STK11: variants seen among roughly 807,000 people sequenced by gnomAD.
The protein encoded by STK11 is serine/threonine-protein kinase STK11.
STK11 carries 8 observed loss-of-function variants against 47.3 expected under a neutral mutation model. The observed-to-expected ratio is 0.17, with a 90% CI of 0.10 to 0.31. STK11 has a LOEUF of 0.31. Ranked by LOEUF, STK11 falls within the 10% of genes least tolerant of loss-of-function variation. STK11 has a pLI of 1.00. For synonymous variants in STK11, 330 were observed against 255.8 expected, an observed-to-expected ratio of 1.29 and a Z score of -2.77; for missense variants, 475 against 605.0, an observed-to-expected ratio of 0.79 and a Z score of 2.25.
intron 6 of STK11, 22 bp downstream of exon 6, chr19:1,221,362 C>A (rs769104111): frequency 1.3e-6 from 2 of 1,592,992 alleles, no homozygotes; most frequent in African/African-American, 2.7e-5. Context: ...ATCCCTCTGC[C>A]CGCAGCCCCA....
chr19:1,227,983 G>A lies in STK11; in HGVS notation c.*407G>A, dbSNP rs1408925308. On this transcript the variant is annotated 3_prime_UTR_variant, in exon 10 of 10. Transcript: ENST00000326873. ...GTGTGGAGACCAGGCTCCTGACCCC[G>A]CCATGCATGCAGCGCCACCTGGAAG... The A allele has an allele frequency of 3.7e-6, 4 of 1,068,628 alleles. No homozygotes were observed. Among genetic ancestry groups the A allele is most frequent in the South Asian group, 4.5e-5 (1 of 22,016 alleles). The allele number at this position is 1,068,628 out of a possible 1,614,324, so 66.2% of individuals were successfully genotyped here.
intron 1 of STK11, among the ~76,000 whole-genome samples, chr19:1,218,101 G>A (rs999752637): frequency 6.6e-6 from 1 of 151,938 alleles, no homozygotes; most frequent in African/African-American, 2.4e-5. Context: ...CTGAGATCGG[G>A]CCACCGTGCT....
At chr19:1,220,764 G>A (rs2145425766) in intron 5 of STK11, 47 bp downstream of exon 5, 1 of 1,559,946 alleles carries the variant, frequency 6.4e-7, no homozygotes, top group South Asian at 1.2e-5. Context: ...ACACTCCGAG[G>A]GGCCTCTGCG....
chr19:1,225,090 T>C (rs1035886733), intron 8 of STK11: 1 of 986,066 alleles, frequency 1.0e-6, no homozygotes, highest in African/African-American at 1.7e-5. Context: ...GGGAAGGGGC[T>C]TGGGCTAGAT....
At position 1,219,351 on chromosome 19, in the gene STK11, T is replaced by G. The variant is rs778868074; in HGVS notation, c.402T>G (p.Cys134Trp). ...KMYMVMEYCV[C>W]GMQEMLDSVP... ...ATATGGTGATGGAGTACTGCGTGTG[T>G]GGCATGCAGGAAATGCTGGACAGCG... Residue 134 changes from cysteine to tryptophan, a missense_variant, in exon 3 of 10, where the codon TGT becomes TGG. By Grantham distance (215) the Cys-to-Trp change is radical. Coordinates refer to ENST00000326873, the MANE Select transcript of STK11 (RefSeq NM_000455.5). 1.9e-6 allele frequency: 3 copies of G among 1,585,148 alleles called. No individual in the cohort carries two copies. The African/African-American group carries it at 4.0e-5, about 21-fold the overall frequency.
At position 1,206,405 on chromosome 19, in the gene STK11, C is replaced by A. The variant is rs1416139155; in HGVS notation, c.-509C>A. ...GACCGGGGCGTCGCCGGAGACGCCC[C>A]CAGCGAAGTTGGGCTCTCCAGGTGT... On this transcript the variant is annotated 5_prime_UTR_variant, in exon 1 of 10. Coordinates refer to ENST00000326873, the MANE Select transcript of STK11 (RefSeq NM_000455.5). 3 of 233,656 alleles carry A rather than the reference C, an allele frequency of 1.3e-5. No homozygotes were observed. The highest frequency in any genetic ancestry group is 2.5e-5 in the Non-Finnish European group (3 of 118,490). The allele number at this position is 233,656 out of a possible 1,614,324, so 14.5% of individuals were successfully genotyped here. A position where few individuals can be genotyped will look rare whatever the true frequency, so the allele number is the denominator to read the frequency against.
chr19:1,212,766 G>C (rs866263505), intron 1 of STK11, among the ~76,000 whole-genome samples: 173 of 151,830 alleles, frequency 1.1e-3, no homozygotes, highest in African/African-American at 3.6e-3. Context: ...GTATGGTCTC[G>C]ATCTCCTGAC....
At chr19:1,214,312 G>A (rs957489902) in intron 1 of STK11, among the ~76,000 whole-genome samples, 1 of 152,230 alleles carries the variant, frequency 6.6e-6, no homozygotes, top group Non-Finnish European at 1.5e-5. Context: ...GGGGACGCAC[G>A]TGCCTGCGCA....
At chr19:1,219,521 G>T in intron 3 of STK11, 108 bp downstream of exon 3, 1 of 1,245,862 alleles carries the variant, frequency 8.0e-7, no homozygotes, top group Non-Finnish European at 1.1e-6. Context: ...TTGACATGAA[G>T]GCCCAAGTTT....
intron 1 of STK11, among the ~76,000 whole-genome samples, chr19:1,214,718 C>T (rs1045043144): frequency 6.6e-6 from 1 of 152,210 alleles, no homozygotes; most frequent in African/African-American, 2.4e-5. Flanking sequence ...GTGCTGGAGC[C>T]TGGGTGGGTG....
intron 1 of STK11, among the ~76,000 whole-genome samples, chr19:1,214,433 T>C (rs779972345): frequency 6.6e-6 from 1 of 152,214 alleles, no homozygotes; most frequent in Non-Finnish European, 1.5e-5. Flanking sequence ...TGTGTCCTGC[T>C]GCTGTGAAGT....
chr19:1,206,576 C>T lies in STK11; in HGVS notation c.-338C>T. 2.4e-6 allele frequency: 1 copy of T among 418,198 alleles called. No individual in the cohort carries two copies. 25.9% of individuals were successfully genotyped at this position (418,198 alleles called of 1,614,324 possible). A position where few individuals can be genotyped will look rare whatever the true frequency, so the allele number is the denominator to read the frequency against. ...GCACTGAAAAGCCCCGGCCGGCCTC[C>T]CCAGGGTCCCCGAGGACGAAGTTGA... On this transcript the variant is annotated 5_prime_UTR_variant, in exon 1 of 10. Coordinates refer to ENST00000326873, the MANE Select transcript of STK11 (RefSeq NM_000455.5).
intron 2 of STK11, 83 bp downstream of exon 2, chr19:1,218,583 C>T: frequency 8.4e-7 from 1 of 1,189,008 alleles, no homozygotes. Context: ...GCCTGCTCCT[C>T]TTCCCGTCTC....
intron 8 of STK11, chr19:1,223,668 G>A (rs1386925341): frequency 3.3e-5 from 35 of 1,055,992 alleles, no homozygotes; most frequent in Non-Finnish European, 4.0e-5. Context: ...GCAGGGCTTA[G>A]AGCGGAGCGC....
Position 1,226,589 on chromosome 19 carries a change from G to C in STK11, c.1244G>C (p.Arg415Pro), listed in dbSNP as rs775978755. Residue 415 changes from arginine to proline, a missense_variant, in exon 9 of 10, where the codon CGC (arginine) becomes CCC (proline). Physicochemically the swap from Arg to Pro is moderately radical, Grantham distance 103 (BLOSUM62 -2). Around this residue, in one of 5 missense-constraint regions of STK11, gnomAD observed 219 missense variants for 189.2 expected, o/e 1.16. Coordinates refer to ENST00000326873, the MANE Select transcript of STK11 (RefSeq NM_000455.5). ...RAEGRAPNPA[R>P]KACSASSKIR... The stretch of plus-strand genomic sequence containing the variant: ...GAGGGCCGGGCCCCCAACCCTGCCC[G>C]CAAGGCCTGCTCCGCCAGCAGCAAG... 6.4e-7 allele frequency: 1 copy of C among 1,571,376 alleles called. No individual in the cohort carries two copies. The highest frequency in any genetic ancestry group is 1.2e-5 in the South Asian group (1 of 85,768).
intron 8 of STK11, chr19:1,225,896 G>A (rs372387565): frequency 9.6e-4 from 949 of 989,668 alleles, no homozygotes; most frequent in Non-Finnish European, 1.1e-3. Context: ...CAGGCCTGTG[G>A]GTTTCACCAG....
chr19:1,226,342 C>A, intron 8 of STK11, 112 bp from the exon 9 acceptor site: 1 of 1,507,920 alleles, frequency 6.6e-7, no homozygotes, highest in Non-Finnish European at 8.9e-7. Flanking sequence ...CGGGGGCGGG[C>A]ATGGCCTGGG....
chr19:1,226,345 G>A, intron 8 of STK11, 109 bp from the exon 9 acceptor site: 1 of 1,517,430 alleles, frequency 6.6e-7, no homozygotes, highest in Non-Finnish European at 8.9e-7. Flanking sequence ...GGGCGGGCAT[G>A]GCCTGGGCAG....
At chr19:1,209,165 C>T (rs1161146522) in intron 1 of STK11, among the ~76,000 whole-genome samples, 1 of 79,874 alleles carries the variant, frequency 1.3e-5, no homozygotes, top group African/African-American at 3.3e-5. Context: ...TGGTCAGGGG[C>T]TAGGCAGAGC....
Sources: gnomAD v4.1 joint callset for allele counts (sites outside exome capture counted in the v4.1 genomes callset) on GRCh38, gnomAD v4.1.1 for gene constraint, gnomAD v4.1.1 regional missense constraint, MANE v1.5 for transcripts, NCBI Gene and HGNC (gene_info 2026-07-23, HGNC 2026-07-21) for gene names.